The following CLIP4 variants were observed in gnomAD, a reference collection of about 807,000 sequenced individuals.
CLIP4 encodes the protein CAP-Gly domain-containing linker protein 4.
A neutral mutation model predicts 73.1 loss-of-function variants in CLIP4; 47 were observed. The observed-to-expected ratio is 0.64, with a 90% confidence interval of 0.51 to 0.82. The LOEUF (loss-of-function observed/expected upper bound fraction) is 0.82. Among genes scored for constraint, CLIP4 ranks in the 40% least tolerant of loss-of-function variants. The pLI, the probability that CLIP4 is intolerant of heterozygous loss-of-function variation, is 0.00. For synonymous variants in CLIP4, 306 were observed against 295.4 expected, an observed-to-expected ratio of 1.04 and a Z score of -0.37; for missense variants, 874 against 852.9, an observed-to-expected ratio of 1.02 and a Z score of -0.31.
intron 2 of CLIP4, among the ~76,000 whole-genome samples, chr2:29,129,007 G>C (rs530227698): frequency 1.3e-5 from 2 of 152,078 alleles, no homozygotes; most frequent in African/African-American, 4.8e-5. Context: ...TAATGTTTCA[G>C]TATTTATCTT....
chr2:29,132,169 C>CAA lies in CLIP4; in HGVS notation c.292_293dup (p.Asn98LysfsTer3). On this transcript the variant is annotated frameshift_variant, in exon 4 of 16. Coordinates refer to ENST00000320081, the MANE Select transcript of CLIP4 (RefSeq NM_024692.6). LOFTEE classifies it high-confidence loss of function. ...TGCTTCAGATTCTTAAGAGAGGTTG[C>CAA]AATGTGAATGATAGAGATGGATTGA... is the stretch of plus-strand genomic sequence containing the variant. 6.2e-7 allele frequency: 1 copy of CAA among 1,613,360 alleles called. No individual in the cohort carries two copies. The highest frequency in any genetic ancestry group is 8.5e-7 in the Non-Finnish European group (1 of 1,179,458).
upstream of CLIP4, among the ~76,000 whole-genome samples, chr2:29,111,780 T>C (rs1668391979): frequency 6.6e-6 from 1 of 152,238 alleles, no homozygotes; most frequent in African/African-American, 2.4e-5. Context: ...GAACCCTTAA[T>C]TGTGATGCAG....
intron 1 of CLIP4, among the ~76,000 whole-genome samples, chr2:29,105,338 G>A (rs1211885460): frequency 6.6e-6 from 1 of 152,206 alleles, no homozygotes; most frequent in Admixed American, 6.5e-5. Context: ...CTTTTCTGTT[G>A]CTCCATCTTA....
At chr2:29,156,609 A>G (rs1487727801) in intron 10 of CLIP4, among the ~76,000 whole-genome samples, 166 bp downstream of exon 10, 1 of 152,230 alleles carries the variant, frequency 6.6e-6, no homozygotes, top group Non-Finnish European at 1.5e-5. Context: ...AGCAAGCTAT[A>G]TACATTATAT....
intron 8 of CLIP4, among the ~76,000 whole-genome samples, chr2:29,151,775 G>A (rs1666586379): frequency 6.6e-6 from 1 of 151,864 alleles, no homozygotes; most frequent in South Asian, 2.1e-4. Context: ...ACATATTATG[G>A]CTTTATTTTC....
Position 29,102,932 on chromosome 2 carries a change from G to A in CLIP4, c.-16+4985G>A, listed in dbSNP as rs778519284. ...TGCGCCCAGTACACCACTTCCTTTC[G>A]GTTCCCACCCTGCCCCAGGACCTCA... On this transcript the variant is annotated intron_variant, in intron 1 of 14. Coordinates refer to the CLIP4 transcript ENST00000401605. Among the ~76,000 whole-genome samples the A allele has an allele frequency of 5.3e-5, 8 of 151,828 alleles. No individual in the cohort carries two copies. The East Asian group carries it at 9.7e-4, about 18-fold the overall frequency.
At chr2:29,150,921 G>C (rs994423505) in intron 8 of CLIP4, among the ~76,000 whole-genome samples, 1 of 151,814 alleles carries the variant, frequency 6.6e-6, no homozygotes, top group African/African-American at 2.4e-5. Flanking sequence ...CGCCTGGCCT[G>C]ATTTACTTTT....
chr2:29,124,410 G>C (rs1664459752), intron 2 of CLIP4, among the ~76,000 whole-genome samples: 1 of 151,868 alleles, frequency 6.6e-6, no homozygotes. Context: ...TTTATTTTGA[G>C]CAATTTTACT....
intron 9 of CLIP4, among the ~76,000 whole-genome samples, chr2:29,153,804 C>T (rs1162969177): frequency 6.6e-6 from 1 of 152,186 alleles, no homozygotes; most frequent in Non-Finnish European, 1.5e-5. Flanking sequence ...CAATACTGCA[C>T]TCCATAATAA....
intron 1 of CLIP4, among the ~76,000 whole-genome samples, chr2:29,104,054 C>A (rs2148434098): frequency 6.6e-6 from 1 of 152,230 alleles, no homozygotes; most frequent in African/African-American, 2.4e-5. Context: ...GGAACTCCCT[C>A]AGTCCTGGGC....
chr2:29,168,379 C>A (rs1667764347), intron 14 of CLIP4, among the ~76,000 whole-genome samples: 1 of 151,880 alleles, frequency 6.6e-6, no homozygotes, highest in Admixed American at 6.6e-5. Context: ...TTGTCAATTT[C>A]ATGTGTGGCA....
intron 1 of CLIP4, among the ~76,000 whole-genome samples, chr2:29,099,005 C>T (rs1667959295): frequency 6.6e-6 from 1 of 152,176 alleles, no homozygotes; most frequent in Non-Finnish European, 1.5e-5. Context: ...ATTTGTATAT[C>T]TTCTTTGGTG....
Position 29,143,743 on chromosome 2 carries a change from C to T in CLIP4, c.683C>T (p.Pro228Leu), listed in dbSNP as rs1307757824. Residue 228 changes from proline to leucine, a missense_variant, in exon 7 of 16, where the codon CCA (proline) becomes CTA (leucine). Coordinates refer to ENST00000320081, the MANE Select transcript of CLIP4 (RefSeq NM_024692.6). ...DKGQIPADVV[P>L]DPVDMPLEMA... ...GGACAGATCCCTGCTGATGTTGTTC[C>T]AGACCCAGTAGATATGCCGTTAGAG... 1 of 1,613,734 alleles carries T rather than the reference C, an allele frequency of 6.2e-7. No homozygotes were observed. The highest frequency in any genetic ancestry group is 1.1e-5 in the South Asian group (1 of 91,070).
intron 1 of CLIP4, among the ~76,000 whole-genome samples, chr2:29,120,483 A>G (rs750597088): frequency 3.3e-5 from 5 of 152,160 alleles, no homozygotes; most frequent in African/African-American, 7.2e-5. Flanking sequence ...CAAGCCATTG[A>G]TTACCTATTT....
In CLIP4 at chr2:29,135,767, C is replaced by T. The variant is rs1472725728; in HGVS notation, c.648+101C>T. 4 of 724,778 alleles carry T rather than the reference C, an allele frequency of 5.5e-6. No homozygotes were observed. In the African/African-American group the frequency reaches 7.4e-5, roughly 13 times the overall value. The allele number at this position is 724,778 out of a possible 1,614,324, so 44.9% of individuals were successfully genotyped here. On this transcript the variant is annotated intron_variant, in intron 6 of 15. Coordinates refer to ENST00000320081, the MANE Select transcript of CLIP4 (RefSeq NM_024692.6). ...AATGTTATTAATAGAAGAACTCTTA[C>T]ATGAGCAAGTAATTTATATCTTTGT...
Position 29,133,791 on chromosome 2 carries a change from G to A in CLIP4, c.504G>A (p.Val168=). The change falls in exon 5 of 16, where the codon GTG becomes GTA. Residue 168 remains valine, a synonymous_variant. Transcript: ENST00000320081. The part of the protein sequence containing the change: ...AYFDVPELIR[V]ILKTSKPKDV... ...TTGATGTCCCTGAACTTATAAGAGTGATTTTGAAAACATCGAAACCAAAAG... is the reference window on the plus strand; with the variant it reads ...TTGATGTCCCTGAACTTATAAGAGTAATTTTGAAAACATCGAAACCAAAAG... The A allele has an allele frequency of 6.2e-7, 1 of 1,605,982 alleles. No homozygotes were observed. Among genetic ancestry groups the A allele is most frequent in the Non-Finnish European group, 8.5e-7 (1 of 1,177,820 alleles).
At chr2:29,141,363 A>G (rs1404230019) in intron 6 of CLIP4, among the ~76,000 whole-genome samples, 1 of 152,202 alleles carries the variant, frequency 6.6e-6, no homozygotes, top group African/African-American at 2.4e-5. Context: ...GCTGTATTTA[A>G]GTCCAAAATT....
intron 14 of CLIP4, among the ~76,000 whole-genome samples, chr2:29,174,124 CT>C (rs201530310): frequency 6.7e-6 from 1 of 150,210 alleles, no homozygotes; most frequent in Admixed American, 6.6e-5. Flanking sequence ...GCTTTCTTTT[CT>C]TTTTTTTTAA....
intron 1 of CLIP4, among the ~76,000 whole-genome samples, chr2:29,109,172 GAC>G (rs1364094464): frequency 2.0e-5 from 3 of 152,170 alleles, no homozygotes; most frequent in Non-Finnish European, 4.4e-5. Flanking sequence ...TTGTTGGACT[GAC>G]ATCCTCATGG....
Sources: allele counts gnomAD v4.1 joint callset (sites outside exome capture counted in the v4.1 genomes callset), GRCh38; gene constraint gnomAD v4.1.1; transcripts MANE v1.5; gene names NCBI Gene and HGNC (gene_info 2026-07-23, HGNC 2026-07-21).